The following PLXDC2 variants were observed in gnomAD, a reference collection of about 807,000 sequenced individuals.
The protein encoded by PLXDC2 is plexin domain-containing protein 2.
In PLXDC2, 40 loss-of-function variants were observed where a neutral mutation model predicts 68.9. The observed-to-expected ratio is 0.58, with a 90% CI of 0.45 to 0.76. The LOEUF is 0.76. PLXDC2 is among the 30% of genes least tolerant of loss of function. The probability of loss-of-function intolerance (pLI) is 0.00; values close to 1 mark genes in which losing one functional copy is unlikely to be tolerated. For missense variants in PLXDC2, 644 were observed against 661.9 expected, an observed-to-expected ratio of 0.97 and a Z score of 0.30; for synonymous variants, 243 against 234.2, an observed-to-expected ratio of 1.04 and a Z score of -0.34.
chr10:20,093,465 T>G (rs1465357854), intron 4 of PLXDC2, among the ~76,000 whole-genome samples: 1 of 152,160 alleles, frequency 6.6e-6, no homozygotes, highest in Non-Finnish European at 1.5e-5. Flanking sequence ...CATAGGAACT[T>G]TGGTTTCCAC....
intron 13 of PLXDC2, among the ~76,000 whole-genome samples, chr10:20,255,827 A>G (rs776786048): frequency 1.3e-5 from 2 of 152,094 alleles, no homozygotes; most frequent in Non-Finnish European, 2.9e-5. Flanking sequence ...TGAACAATCA[A>G]TGGTATTTTT....
intron 9 of PLXDC2, among the ~76,000 whole-genome samples, chr10:20,190,774 A>G (rs61854622): frequency 0.23 from 34,671 of 151,716 alleles, 4,906 homozygotes; most frequent in East Asian, 0.4. Context: ...AGACATTTAA[A>G]ATACACGTTC....
rs187482774 is a variant in PLXDC2, at chr10:20,122,341, C to G, written c.542-20954C>G. On this transcript the variant is annotated intron_variant, in intron 4 of 13. Transcript: ENST00000377252. ...CCGTATTGATTAAGAAGGGGACGGACTTACCCTCCACTGTGTGAGTTACCT... is the reference window on the plus strand; with the variant it reads ...CCGTATTGATTAAGAAGGGGACGGAGTTACCCTCCACTGTGTGAGTTACCT... Among the ~76,000 whole-genome samples the G allele has an allele frequency of 2.4e-4, 37 of 152,260 alleles. No homozygotes were observed. In the East Asian group the frequency reaches 6.4e-3, roughly 26 times the overall value.
intron 4 of PLXDC2, among the ~76,000 whole-genome samples, chr10:20,079,339 A>T (rs1349308065): frequency 1.3e-5 from 2 of 152,226 alleles, no homozygotes; most frequent in East Asian, 3.8e-4. Flanking sequence ...GGTGATTATT[A>T]AAAAGTGAGA....
At chr10:20,036,482 A>G (rs1171966652) in intron 2 of PLXDC2, among the ~76,000 whole-genome samples, 5 of 152,180 alleles carry the variant, frequency 3.3e-5, no homozygotes, top group South Asian at 2.1e-4. Context: ...TCTATCATAC[A>G]TTGTTATGGT....
At chr10:20,034,941 A>G (rs76374220) in intron 2 of PLXDC2, among the ~76,000 whole-genome samples, 6,264 of 152,276 alleles carry the variant, frequency 0.041, 180 homozygotes, top group South Asian at 0.069. Context: ...TAATGTTTGT[A>G]CAATGATGAA....
intron 1 of PLXDC2, among the ~76,000 whole-genome samples, chr10:19,933,993 T>C (rs571089767): frequency 1.3e-5 from 2 of 152,306 alleles, no homozygotes; most frequent in Admixed American, 6.5e-5. Flanking sequence ...TGTCAATTCT[T>C]CTTGTTTTGT....
At chr10:19,845,852 C>T (rs1371913950) in intron 1 of PLXDC2, among the ~76,000 whole-genome samples, 4 of 152,036 alleles carry the variant, frequency 2.6e-5, no homozygotes, top group Non-Finnish European at 4.4e-5. Flanking sequence ...GCAGTAACTC[C>T]CAGGTGTTAC....
chr10:19,965,415 G>A (rs1834231782), intron 1 of PLXDC2, among the ~76,000 whole-genome samples: 1 of 152,128 alleles, frequency 6.6e-6, no homozygotes, highest in Non-Finnish European at 1.5e-5. Flanking sequence ...GTGGATATGT[G>A]CCTTTGGTCC....
At chr10:20,045,987 A>G (rs904237507) in intron 2 of PLXDC2, among the ~76,000 whole-genome samples, 5 of 152,174 alleles carry the variant, frequency 3.3e-5, no homozygotes, top group African/African-American at 1.2e-4. Context: ...GCTTTGTGAC[A>G]GGCACTAAGG....
chr10:20,207,957 G>C (rs865912197), intron 9 of PLXDC2, among the ~76,000 whole-genome samples: 1 of 151,964 alleles, frequency 6.6e-6, no homozygotes, highest in African/African-American at 2.4e-5. Context: ...ATAATCTCTG[G>C]CAAGGGTTCT....
intron 1 of PLXDC2, among the ~76,000 whole-genome samples, chr10:19,886,529 T>A (rs1837849428): frequency 6.6e-6 from 1 of 152,162 alleles, no homozygotes; most frequent in Non-Finnish European, 1.5e-5. Flanking sequence ...AAAAACCACA[T>A]GATTTTTTCA....
At chr10:20,122,641 G>A (rs1833715512) in intron 4 of PLXDC2, among the ~76,000 whole-genome samples, 1 of 152,220 alleles carries the variant, frequency 6.6e-6, no homozygotes, top group Non-Finnish European at 1.5e-5. Context: ...TGGGGAAGGA[G>A]GTTCTGGAGA....
chr10:20,154,040 C>T (rs1285926492), intron 6 of PLXDC2, among the ~76,000 whole-genome samples: 2 of 151,880 alleles, frequency 1.3e-5, no homozygotes, highest in Non-Finnish European at 2.9e-5. Flanking sequence ...ATGAAAGAAC[C>T]TGTACATAGG....
chr10:20,096,897 G>A (rs1019494745), intron 4 of PLXDC2, among the ~76,000 whole-genome samples: 1 of 151,896 alleles, frequency 6.6e-6, no homozygotes, highest in African/African-American at 2.4e-5. Flanking sequence ...TAAATGTAGG[G>A]TCTGTTTCTT....
chr10:20,148,068 T>G (rs1385564477), intron 6 of PLXDC2, among the ~76,000 whole-genome samples, 166 bp downstream of exon 6: 2 of 152,180 alleles, frequency 1.3e-5, no homozygotes, highest in Admixed American at 6.5e-5. Flanking sequence ...TTTAATTTTC[T>G]GGGTGCATTG....
At chr10:19,827,945 T>A (rs559033980) in intron 1 of PLXDC2, among the ~76,000 whole-genome samples, 1 of 152,338 alleles carries the variant, frequency 6.6e-6, no homozygotes, top group East Asian at 1.9e-4. Flanking sequence ...GGGGAGGTTT[T>A]CTTATCACAT....
intron 2 of PLXDC2, among the ~76,000 whole-genome samples, chr10:20,024,363 A>G (rs1283240405): frequency 6.6e-6 from 1 of 152,162 alleles, no homozygotes; most frequent in African/African-American, 2.4e-5. Context: ...TTTGGATTTT[A>G]TGCTAGTTGT....
intron 12 of PLXDC2, among the ~76,000 whole-genome samples, chr10:20,235,154 C>T (rs773851473): frequency 7.9e-5 from 12 of 152,142 alleles, no homozygotes; most frequent in South Asian, 2.1e-4. Context: ...GTTGCAAGTA[C>T]GTGAGAGGCT....
Sources: allele counts gnomAD v4.1 joint callset (sites outside exome capture counted in the v4.1 genomes callset), GRCh38; gene constraint gnomAD v4.1.1; transcripts MANE v1.5; gene names NCBI Gene and HGNC (gene_info 2026-07-23, HGNC 2026-07-21).